Variants in KCNH7 observed in about 807,000 individuals in gnomAD.
The protein encoded by KCNH7 is voltage-gated inwardly rectifying potassium channel KCNH7.
KCNH7 carries 49 observed loss-of-function variants against 120.8 expected under a neutral mutation model. The ratio of observed to expected loss-of-function variants is 0.41; its 90% CI spans 0.32 to 0.51. KCNH7 has a LOEUF of 0.51. Among genes scored for constraint, KCNH7 ranks in the 20% least tolerant of loss-of-function variants. KCNH7 has a pLI of 0.38. For missense variants in KCNH7, 1,097 were observed against 1,446.6 expected, an observed-to-expected ratio of 0.76 and a Z score of 3.92; for synonymous variants, 547 against 516.1, an observed-to-expected ratio of 1.06 and a Z score of -0.81.
chr2:162,523,352 T>C (rs1337010043), intron 3 of KCNH7, among the ~76,000 whole-genome samples: 1 of 151,908 alleles, frequency 6.6e-6, no homozygotes, highest in African/African-American at 2.4e-5. Context: ...AGTTGATTCT[T>C]GATATTCCTT....
chr2:162,423,338 T>C lies in KCNH7; in HGVS notation c.2152A>G (p.Met718Val). The C allele has an allele frequency of 6.2e-7, 1 of 1,614,074 alleles. No homozygotes were observed. The highest frequency in any genetic ancestry group is 1.1e-5 in the South Asian group (1 of 91,082). ...TTTTGGAAAACAGACATACATACCA[T>C]GTTCATGTCAATGCCATTGGTGTAA... is the stretch of plus-strand genomic sequence containing the variant. ...WTYTNGIDMN[M>V]VLKGFPECLQ... is the part of the protein sequence containing the mutation. Residue 718 changes from methionine to valine, a missense_variant and splice_region_variant, in exon 9 of 16, where the codon ATG (methionine) becomes GTG (valine). Physicochemically the swap from Met to Val is conservative, Grantham distance 21. Around this residue, in one of 8 missense-constraint regions of KCNH7, gnomAD observed 101 missense variants for 176.3 expected, o/e 0.57. Coordinates refer to ENST00000332142, the MANE Select transcript of KCNH7 (RefSeq NM_033272.4).
intron 9 of KCNH7, among the ~76,000 whole-genome samples, chr2:162,403,120 G>C (rs1204783567): frequency 6.6e-6 from 1 of 151,886 alleles, no homozygotes; most frequent in Admixed American, 6.6e-5. Context: ...ATTTTTAATA[G>C]ACAATATACT....
intron 2 of KCNH7, among the ~76,000 whole-genome samples, chr2:162,702,991 T>C (rs1224327039): frequency 1.3e-5 from 2 of 152,062 alleles, no homozygotes; most frequent in Non-Finnish European, 2.9e-5. Flanking sequence ...AATAAATGCT[T>C]GTGTAAAGAG....
intron 2 of KCNH7, among the ~76,000 whole-genome samples, chr2:162,551,610 A>G (rs955220750): frequency 6.6e-6 from 1 of 152,208 alleles, no homozygotes; most frequent in African/African-American, 2.4e-5. Context: ...AGGGAAAAAG[A>G]GGAAATTCAG....
intron 2 of KCNH7, among the ~76,000 whole-genome samples, chr2:162,744,554 T>A (rs1025567699): frequency 1.3e-5 from 2 of 150,782 alleles, no homozygotes; most frequent in Non-Finnish European, 2.9e-5. Context: ...ACAGTTATAT[T>A]CTAATTCACA....
chr2:162,435,162 C>A (rs1473122095), intron 8 of KCNH7, 36 bp downstream of exon 8: 2 of 1,546,410 alleles, frequency 1.3e-6, no homozygotes, highest in Non-Finnish European at 1.8e-6. Flanking sequence ...AGGTATTATT[C>A]TATCCTAATA....
intron 6 of KCNH7, among the ~76,000 whole-genome samples, chr2:162,494,511 A>G (rs1017178617): frequency 2.0e-5 from 3 of 152,160 alleles, no homozygotes; most frequent in African/African-American, 7.2e-5. Flanking sequence ...TTAGTGAACA[A>G]TAAGTGTATA....
chr2:162,599,196 C>A (rs1361681469), intron 2 of KCNH7, among the ~76,000 whole-genome samples: 3 of 151,658 alleles, frequency 2.0e-5, no homozygotes, highest in African/African-American at 7.3e-5. Flanking sequence ...CAGAGCGAGA[C>A]TCTGTCTCAA....
At chr2:162,720,389 A>C (rs1323871803) in intron 2 of KCNH7, among the ~76,000 whole-genome samples, 3 of 151,416 alleles carry the variant, frequency 2.0e-5, no homozygotes, top group African/African-American at 7.3e-5. Context: ...CCATGATGTG[A>C]GAAGTTAAAT....
intron 2 of KCNH7, among the ~76,000 whole-genome samples, chr2:162,548,000 G>A (rs1455236868): frequency 6.7e-6 from 1 of 150,368 alleles, no homozygotes; most frequent in Non-Finnish European, 1.5e-5. Context: ...AAAGGTGAAA[G>A]TAAAGGTATT....
At chr2:162,620,535 C>A (rs879692049) in intron 2 of KCNH7, among the ~76,000 whole-genome samples, 3 of 152,128 alleles carry the variant, frequency 2.0e-5, no homozygotes, top group African/African-American at 4.8e-5. Context: ...CTTCTTCCAA[C>A]ATTTCATCCC....
At chr2:162,749,867 C>T (rs1401744187) in intron 2 of KCNH7, among the ~76,000 whole-genome samples, 2 of 152,026 alleles carry the variant, frequency 1.3e-5, no homozygotes, top group East Asian at 1.9e-4. Flanking sequence ...AAGAACATTC[C>T]TGCTGAGAGT....
chr2:162,528,850 T>G, intron 3 of KCNH7, among the ~76,000 whole-genome samples: 1 of 152,000 alleles, frequency 6.6e-6, no homozygotes, highest in East Asian at 1.9e-4. Context: ...TATAGTGGGC[T>G]ATATGAGAGA....
At chr2:162,577,410 T>C (rs559972348) in intron 2 of KCNH7, among the ~76,000 whole-genome samples, 1 of 147,644 alleles carries the variant, frequency 6.8e-6, no homozygotes, top group East Asian at 2.0e-4. Context: ...TCTATCTATC[T>C]ATCTATTCAT....
At chr2:162,738,931 C>T (rs941570602) in intron 2 of KCNH7, among the ~76,000 whole-genome samples, 8 of 152,088 alleles carry the variant, frequency 5.3e-5, no homozygotes, top group African/African-American at 1.9e-4. Flanking sequence ...AAGTCTAAGT[C>T]AGACTCAGCC....
intron 2 of KCNH7, among the ~76,000 whole-genome samples, chr2:162,747,838 A>C (rs1191616586): frequency 6.6e-6 from 1 of 152,216 alleles, no homozygotes; most frequent in Admixed American, 6.5e-5. Context: ...CCAGTGTCTC[A>C]TAAGAACTAC....
chr2:162,582,296 G>A (rs1041199653), intron 2 of KCNH7, among the ~76,000 whole-genome samples: 9 of 152,004 alleles, frequency 5.9e-5, no homozygotes, highest in East Asian at 1.9e-4. Context: ...GGGTTTTCTG[G>A]AGTCCTTCAT....
chr2:162,719,749 C>T (rs142879656), intron 2 of KCNH7, among the ~76,000 whole-genome samples: 14 of 152,110 alleles, frequency 9.2e-5, no homozygotes, highest in African/African-American at 3.1e-4. Context: ...TTTCAATCAA[C>T]ATCCTCAGAC....
At chr2:162,684,540 G>A (rs1027002928) in intron 2 of KCNH7, among the ~76,000 whole-genome samples, 5 of 152,056 alleles carry the variant, frequency 3.3e-5, no homozygotes, top group East Asian at 1.9e-4. Context: ...GTGGGCCAAG[G>A]GTATGAACAG....
Sources: allele counts gnomAD v4.1 joint callset (sites outside exome capture counted in the v4.1 genomes callset), GRCh38; gene constraint gnomAD v4.1.1; regional missense constraint gnomAD v4.1.1; transcripts MANE v1.5; gene names NCBI Gene and HGNC (gene_info 2026-07-23, HGNC 2026-07-21).